Variants in LRP2 observed in about 807,000 individuals in gnomAD.
LRP2 encodes LDL receptor related protein 2, also known as low-density lipoprotein receptor-related protein 2.
In LRP2, 172 loss-of-function variants were observed where a neutral mutation model predicts 531.0. That is an observed-to-expected ratio of 0.32 (90% CI 0.29 to 0.37). LRP2 has a LOEUF of 0.37. Among genes scored for constraint, LRP2 ranks in the 10% least tolerant of loss-of-function variants. LRP2 has a pLI of 1.00. For missense variants in LRP2, 5,167 were observed against 5,868.3 expected (o/e 0.88, Z 3.90); for synonymous variants, 1,992 against 2,027.6 (o/e 0.98, Z 0.47).
chr2:169,189,144 T>A (rs1687744016), intron 48 of LRP2, among the ~76,000 whole-genome samples: 1 of 152,138 alleles, frequency 6.6e-6, no homozygotes, highest in South Asian at 2.1e-4. Context: ...CACATATGCA[T>A]CAAGGAATCT....
At chr2:169,284,997 C>G (rs1683814586) in intron 9 of LRP2, among the ~76,000 whole-genome samples, 1 of 152,094 alleles carries the variant, frequency 6.6e-6, no homozygotes, top group Non-Finnish European at 1.5e-5. Flanking sequence ...ATCACCTGCA[C>G]TACAAGTGGT....
At chr2:169,138,375 G>A (rs944867935) in intron 75 of LRP2, among the ~76,000 whole-genome samples, 3 of 152,086 alleles carry the variant, frequency 2.0e-5, no homozygotes, top group African/African-American at 7.2e-5. Flanking sequence ...CTTAGAGCAG[G>A]GGTAAATTCC....
chr2:169,274,019 T>C (rs924327075), intron 14 of LRP2, among the ~76,000 whole-genome samples: 1 of 152,204 alleles, frequency 6.6e-6, no homozygotes, highest in African/African-American at 2.4e-5. Flanking sequence ...AGGAGATTCA[T>C]CTGAATGTGT....
In LRP2 at chr2:169,205,563, G is replaced by C; in HGVS notation, c.7631C>G (p.Pro2544Arg). The change falls in exon 41 of 79, where the codon CCC becomes CGC. Residue 2544 changes from proline to arginine, a missense_variant. Pro to Arg is a moderately radical substitution (Grantham distance 103, BLOSUM62 -2). This residue lies in a region of LRP2 where 1,129 missense variants were observed against 1,362.7 expected (regional missense o/e 0.83). Coordinates refer to ENST00000649046, the MANE Select transcript of LRP2 (RefSeq NM_004525.3). ...CATGACCAGACTGCTGTTCACAATG[G>C]GTACGCGGAAGTTTCCTCCCAATGT... ...RATLGGNFRV[P>R]IVNSSLVMPS... 6.2e-7 allele frequency: 1 copy of C among 1,614,002 alleles called. No individual in the cohort carries two copies. Among genetic ancestry groups the C allele is most frequent in the Non-Finnish European group, 8.5e-7 (1 of 1,179,986 alleles).
chr2:169,198,411 GA>G (rs1226539518), intron 45 of LRP2, among the ~76,000 whole-genome samples: 2 of 150,490 alleles, frequency 1.3e-5, no homozygotes, highest in African/African-American at 4.9e-5. Flanking sequence ...GAGACTGTCT[GA>G]AAAAAAAATA....
Position 169,146,652 on chromosome 2 carries a change from C to A in LRP2, c.12811+87G>T, listed in dbSNP as rs1198392034. ...AACTATATAAGCCATTTCCTAAGAG[C>A]AGGGCTCCTTCTTGAGAAAACAGGC... is the stretch of plus-strand genomic sequence containing the variant. On this transcript the variant is annotated intron_variant, in intron 69 of 78. Transcript: ENST00000649046. 5.3e-6 allele frequency: 6 copies of A among 1,139,890 alleles called. No homozygotes were observed. The East Asian group carries it at 1.6e-4, about 29-fold the overall frequency. 70.6% of individuals were successfully genotyped at this position (1,139,890 alleles called of 1,614,324 possible).
chr2:169,243,495 T>A lies in LRP2; in HGVS notation c.3458A>T (p.Gln1153Leu), dbSNP rs1422283361. 3.7e-6 allele frequency: 6 copies of A among 1,614,020 alleles called. No individual in the cohort carries two copies. The highest frequency in any genetic ancestry group is 1.3e-5 in the African/African-American group (1 of 74,920). ...ACATCGATGATTGGGGCAATTAAACTGACTAGGTTGGCATGTCTCTGTCGA... is the reference window on the plus strand; with the variant it reads ...ACATCGATGATTGGGGCAATTAAACAGACTAGGTTGGCATGTCTCTGTCGA... ...CNSTETCQPS[Q>L]FNCPNHRCID... The change falls in exon 23 of 79, where the codon CAG becomes CTG. Residue 1153 changes from glutamine (Q) to leucine (L), a missense_variant. Around this residue, in one of 6 missense-constraint regions of LRP2, gnomAD observed 2,811 missense variants for 3,058.0 expected, o/e 0.92. Transcript: ENST00000649046.
chr2:169,290,088 G>A (rs558292305), intron 8 of LRP2, among the ~76,000 whole-genome samples: 1 of 152,144 alleles, frequency 6.6e-6, no homozygotes, highest in South Asian at 2.1e-4. Flanking sequence ...TTGATGGGTT[G>A]TTGGTGGGGT....
chr2:169,193,525 G>C (rs1201759707), intron 47 of LRP2, among the ~76,000 whole-genome samples: 2 of 150,958 alleles, frequency 1.3e-5, no homozygotes, highest in Non-Finnish European at 3.0e-5. Flanking sequence ...AGGACATTAT[G>C]TCCATTAGCC....
intron 24 of LRP2, 111 bp from the exon 25 acceptor site, chr2:169,241,476 AC>A (rs1689803527): frequency 1.8e-6 from 2 of 1,101,126 alleles, no homozygotes; most frequent in Non-Finnish European, 2.8e-6. Context: ...TATAGTAACA[AC>A]TATGACCAAA....
Position 169,244,942 on chromosome 2 carries a change from TAAC to T in LRP2, c.3191-13_3191-11del, listed in dbSNP as rs1381068244. 1 of 1,614,034 alleles carries T rather than the reference TAAC, an allele frequency of 6.2e-7. No homozygotes were observed. Among genetic ancestry groups the T allele is most frequent in the Admixed American group, 1.7e-5 (1 of 60,004 alleles). On this transcript the variant is annotated splice_polypyrimidine_tract_variant and intron_variant, in intron 21 of 78. Coordinates refer to ENST00000649046, the MANE Select transcript of LRP2 (RefSeq NM_004525.3). ...GATGAACAGGTATTATCTACAATAG[TAAC>T]AAACTGGTCATGAAGACATTTGTTT...
chr2:169,318,511 A>T (rs1344357052), intron 3 of LRP2, among the ~76,000 whole-genome samples: 1 of 152,228 alleles, frequency 6.6e-6, no homozygotes, highest in Admixed American at 6.5e-5. Context: ...CTTGAGCATA[A>T]CATAATCAAA....
At chr2:169,207,273 T>A in intron 38 of LRP2, 23 bp from the exon 39 acceptor site, 2 of 1,536,114 alleles carry the variant, frequency 1.3e-6, no homozygotes, top group Middle Eastern at 1.7e-4. Context: ...TGAAAGTGCA[T>A]GCTGATCAAT....
intron 51 of LRP2, among the ~76,000 whole-genome samples, 172 bp downstream of exon 51, chr2:169,181,995 T>C (rs1218725562): frequency 7.9e-5 from 12 of 152,134 alleles, no homozygotes; most frequent in Non-Finnish European, 1.8e-4. Context: ...TGATGATGAT[T>C]TGAAGAAGCC....
chr2:169,246,016 T>A (rs2105392080), intron 21 of LRP2, among the ~76,000 whole-genome samples: 1 of 152,326 alleles, frequency 6.6e-6, no homozygotes, highest in African/African-American at 2.4e-5. Context: ...TTTTGTATTT[T>A]ACAAATTTTG....
chr2:169,351,820 A>C (rs568269150), intron 1 of LRP2, among the ~76,000 whole-genome samples: 1 of 152,224 alleles, frequency 6.6e-6, no homozygotes, highest in African/African-American at 2.4e-5. Flanking sequence ...TTTAACCAGG[A>C]TCAGGGCCTT....
At chr2:169,148,823 G>A (rs4625869) in intron 68 of LRP2, among the ~76,000 whole-genome samples, 1 of 151,174 alleles carries the variant, frequency 6.6e-6, no homozygotes, top group East Asian at 1.9e-4. Flanking sequence ...TTGCCTATCA[G>A]TACCCAAGAC....
At chr2:169,325,832 G>A (rs1489970361) in intron 1 of LRP2, among the ~76,000 whole-genome samples, 1 of 151,838 alleles carries the variant, frequency 6.6e-6, no homozygotes, top group Non-Finnish European at 1.5e-5. Flanking sequence ...ACAAACCACT[G>A]AATAGACTGC....
intron 33 of LRP2, among the ~76,000 whole-genome samples, chr2:169,222,676 T>C (rs1298780890): frequency 6.6e-6 from 1 of 152,210 alleles, no homozygotes; most frequent in Non-Finnish European, 1.5e-5. Context: ...TGGTAAGAGA[T>C]TAACCATAAT....
Sources: gnomAD v4.1 joint callset for allele counts (sites outside exome capture counted in the v4.1 genomes callset) on GRCh38, gnomAD v4.1.1 for gene constraint, gnomAD v4.1.1 regional missense constraint, MANE v1.5 for transcripts, NCBI Gene and HGNC (gene_info 2026-07-23, HGNC 2026-07-21) for gene names.